Variants in SPRTN observed in about 807,000 individuals in gnomAD.
The protein encoded by SPRTN is DNA-dependent metalloprotease SPRTN.
In SPRTN, 11 loss-of-function variants were observed where a neutral mutation model predicts 31.9. The observed-to-expected ratio is 0.34, with a 90% CI of 0.22 to 0.57. SPRTN has a LOEUF of 0.57. Among genes scored for constraint, SPRTN ranks in the 20% least tolerant of loss-of-function variants. The probability of loss-of-function intolerance (pLI) is 0.86; values close to 1 mark genes in which losing one functional copy is unlikely to be tolerated. For missense variants in SPRTN, 482 were observed against 590.1 expected (o/e 0.82, Z 1.90); for synonymous variants, 185 against 212.1 (o/e 0.87, Z 1.11).
intron 1 of SPRTN, among the ~76,000 whole-genome samples, chr1:231,338,889 C>T (rs1172821880): frequency 1.3e-5 from 2 of 152,208 alleles, no homozygotes; most frequent in Non-Finnish European, 2.9e-5. Flanking sequence ...TTGAAAATAA[C>T]AAGTTCCTGA....
intron 2 of SPRTN, among the ~76,000 whole-genome samples, chr1:231,345,685 T>C (rs1411223857): frequency 1.3e-5 from 2 of 152,230 alleles, no homozygotes; most frequent in Non-Finnish European, 2.9e-5. Context: ...AAATTTTCCA[T>C]AGGAGAATTG....
At chr1:231,341,669 G>A (rs549911498) in intron 2 of SPRTN, among the ~76,000 whole-genome samples, 1 of 152,218 alleles carries the variant, frequency 6.6e-6, no homozygotes, top group Admixed American at 6.5e-5. Context: ...ATTTTATGAG[G>A]CATAAATTAG....
At chr1:231,347,735 A>ACCT in intron 2 of SPRTN, 62 bp from the exon 3 acceptor site, 3 of 1,536,938 alleles carry the variant, frequency 2.0e-6, no homozygotes, top group Non-Finnish European at 2.6e-6. Context: ...AGAATAAGAA[A>ACCT]ATTTATATTT....
At chr1:231,339,598 G>A (rs1344092221) in intron 1 of SPRTN, 171 bp from the exon 2 acceptor site, 1 of 794,646 alleles carries the variant, frequency 1.3e-6, no homozygotes, top group African/African-American at 1.7e-5. Context: ...GGAGGCGCCC[G>A]CGGGGGTTGT....
At position 231,354,782 on chromosome 1, in the gene SPRTN, T is replaced by C. The variant is rs73116382; in HGVS notation, c.*1421T>C. On this transcript the variant is annotated 3_prime_UTR_variant, in exon 5 of 5. Transcript: ENST00000295050. ...GTTAAGCATAATGCTGCTAAGAACA[T>C]TCTTATCTTTTCTGTTGGGTATATA... The C allele has an allele frequency of 0.016, 2,455 of 153,844 alleles. 75 individuals carry two copies. Among genetic ancestry groups the C allele is most frequent in the African/African-American group, 0.056 (2,320 of 41,572 alleles). The allele number at this position is 153,844 out of a possible 1,614,324, so 9.5% of individuals were successfully genotyped here.
At chr1:231,339,399 A>C in intron 1 of SPRTN, 1 of 460,242 alleles carries the variant, frequency 2.2e-6, no homozygotes, top group Non-Finnish European at 4.1e-6. Flanking sequence ...GAGCTGTTGC[A>C]GCCTAGCTAG....
chr1:231,351,738 G>A, intron 4 of SPRTN, 167 bp downstream of exon 4: 2 of 1,428,908 alleles, frequency 1.4e-6, no homozygotes, highest in South Asian at 3.1e-5. Context: ...TGAAATGATG[G>A]TAGGAAAACA....
At chr1:231,348,303 A>G (rs1017707182) in intron 3 of SPRTN, among the ~76,000 whole-genome samples, 13 of 152,194 alleles carry the variant, frequency 8.5e-5, no homozygotes, top group Non-Finnish European at 1.5e-4. Flanking sequence ...TTTGATTCAT[A>G]TCTCTGTATA....
In SPRTN at chr1:231,347,951, A is replaced by G. The variant is rs202193347; in HGVS notation, c.450+26A>G. On this transcript the variant is annotated intron_variant, in intron 3 of 4. Transcript: ENST00000295050. ...GTATAGAAAGCCATATCTATTTATG[A>G]TGTTTAGTAGTTGTTTATTCAATAA... The G allele has an allele frequency of 1.1e-4, 179 of 1,598,948 alleles. No homozygotes were observed. In the African/African-American group the frequency reaches 2.2e-3, roughly 20 times the overall value.
At position 231,353,576 on chromosome 1, in the gene SPRTN, C is replaced by T. The variant is rs888452527; in HGVS notation, c.*215C>T. The T allele has an allele frequency of 1.9e-5, 23 of 1,222,202 alleles. No individual in the cohort carries two copies. The highest frequency in any genetic ancestry group is 2.0e-5 in the Non-Finnish European group (20 of 980,072). The allele number at this position is 1,222,202 out of a possible 1,614,324, so 75.7% of individuals were successfully genotyped here. On this transcript the variant is annotated 3_prime_UTR_variant, in exon 5 of 5. Transcript: ENST00000295050. ...TACATTCACTCTTGCCTTAGGTATACTGTAACCCAGGTTCTGCCTGTCGTG... is the reference window on the plus strand; with the variant it reads ...TACATTCACTCTTGCCTTAGGTATATTGTAACCCAGGTTCTGCCTGTCGTG...
intron 2 of SPRTN, among the ~76,000 whole-genome samples, chr1:231,346,932 A>T (rs1687079691): frequency 8.5e-6 from 1 of 117,060 alleles, no homozygotes. Flanking sequence ...ACAGAGTAAG[A>T]CCCTGTCTCA....
chr1:231,341,319 GA>G, intron 2 of SPRTN, among the ~76,000 whole-genome samples: 1 of 151,970 alleles, frequency 6.6e-6, no homozygotes, highest in Middle Eastern at 3.4e-3. Context: ...AGTGGGACCA[GA>G]AGTGTTTCAG....
intron 2 of SPRTN, among the ~76,000 whole-genome samples, chr1:231,345,989 T>G (rs1687047135): frequency 6.6e-6 from 1 of 151,932 alleles, no homozygotes; most frequent in Non-Finnish European, 1.5e-5. Context: ...TTTATTTTTA[T>G]TTTTTTGTAG....
At chr1:231,339,516 C>T in intron 1 of SPRTN, 1 of 698,932 alleles carries the variant, frequency 1.4e-6, no homozygotes. Context: ...CTGCAGCCTT[C>T]CACCTTCTCA....
intron 1 of SPRTN, among the ~76,000 whole-genome samples, chr1:231,338,841 G>T (rs1414788258): frequency 1.3e-5 from 2 of 152,104 alleles, no homozygotes; most frequent in Non-Finnish European, 2.9e-5. Flanking sequence ...ACTCAGGGCC[G>T]TAACAAAAAA....
chr1:231,340,113 G>C (rs140414301), intron 2 of SPRTN: 1 of 310,414 alleles, frequency 3.2e-6, no homozygotes, highest in Non-Finnish European at 6.0e-6. Flanking sequence ...CTGTAATCCC[G>C]ACACTTTGGG....
chr1:231,345,991 T>A (rs1222665233), intron 2 of SPRTN, among the ~76,000 whole-genome samples: 1 of 151,922 alleles, frequency 6.6e-6, no homozygotes, highest in Admixed American at 6.6e-5. Flanking sequence ...TATTTTTATT[T>A]TTTTGTAGAG....
chr1:231,346,586 A>G (rs910385552), intron 2 of SPRTN, among the ~76,000 whole-genome samples: 3 of 152,124 alleles, frequency 2.0e-5, no homozygotes, highest in South Asian at 2.1e-4. Flanking sequence ...ATAGCCTGTG[A>G]TAAGAGTTAT....
Position 231,344,430 on chromosome 1 carries a change from C to A in SPRTN, c.322-3367C>A, listed in dbSNP as rs554134205. On this transcript the variant is annotated intron_variant, in intron 2 of 4. Transcript: ENST00000295050. ...GATGAGATAGAGGGATCCCTTGATG[C>A]CAGGAATTTGAGGCTGCAGTGAAAT... Among the ~76,000 whole-genome samples the A allele has an allele frequency of 3.9e-5, 6 of 152,222 alleles. No individual in the cohort carries two copies. The South Asian group carries it at 1.2e-3, about 32-fold the overall frequency.
Sources: gnomAD v4.1 joint callset for allele counts (sites outside exome capture counted in the v4.1 genomes callset) on GRCh38, gnomAD v4.1.1 for gene constraint, MANE v1.5 for transcripts, NCBI Gene and HGNC (gene_info 2026-07-23, HGNC 2026-07-21) for gene names.